The following NLRX1 variants were observed in gnomAD, a reference collection of about 807,000 sequenced individuals.
The protein encoded by NLRX1 is NLR family member X1, also known as NOD-like receptor X1.
Under a neutral mutation model 74.2 loss-of-function variants are expected in NLRX1, and 67 were observed. The observed-to-expected ratio is 0.90, with a 90% CI of 0.74 to 1.11. The LOEUF is 1.11. NLRX1 is among the 50% of genes least tolerant of loss of function. The pLI, the probability that NLRX1 is intolerant of heterozygous loss-of-function variation, is 0.00. For synonymous variants in NLRX1, 506 were observed against 559.1 expected, an observed-to-expected ratio of 0.91 and a Z score of 1.34; for missense variants, 1,191 against 1,305.4, an observed-to-expected ratio of 0.91 and a Z score of 1.35.
rs1948890890 is a variant in NLRX1, at chr11:119,183,237, A to G, written c.2726A>G (p.Tyr909Cys). The G allele has an allele frequency of 6.2e-7, 1 of 1,614,216 alleles. No individual in the cohort carries two copies. Among genetic ancestry groups the G allele is most frequent in the Non-Finnish European group, 8.5e-7 (1 of 1,180,036 alleles). Residue 909 changes from tyrosine to cysteine, a missense_variant, in exon 10 of 10, where the codon TAC becomes TGC. Coordinates refer to ENST00000409109, the MANE Select transcript of NLRX1 (RefSeq NM_001282144.2). This position sits in a 1 kb window ranked among gnomAD's most constrained non-coding sequence, Gnocchi z 5.7. ...SLTEGTAVSE[Y>C]WSVILSEVQR... ...ACAGAGGGGACGGCGGTGTCAGAAT[A>G]CTGGTCAGTGATCCTCAGTGAAGTC...
intron 1 of NLRX1, among the ~76,000 whole-genome samples, chr11:119,169,514 C>G (rs1020062432): frequency 1.3e-5 from 2 of 152,238 alleles, no homozygotes; most frequent in Admixed American, 6.5e-5. Context: ...AGCTCCTCCG[C>G]TGGTTGGCCC....
chr11:119,173,104 C>G lies in NLRX1; in HGVS notation c.229+115C>G, dbSNP rs1338807737. 2.6e-6 allele frequency: 2 copies of G among 766,658 alleles called. No individual in the cohort carries two copies. The highest frequency in any genetic ancestry group is 4.5e-6 in the Non-Finnish European group (2 of 444,000). 47.5% of individuals were successfully genotyped at this position (766,658 alleles called of 1,614,324 possible). A position where few individuals can be genotyped will look rare whatever the true frequency, so the allele number is the denominator to read the frequency against. ...CACTGCCATCTTCCATCGGTGGTCC[C>G]TCCTCCTCTCTCTCTCTCCCTCCCA... is the stretch of plus-strand genomic sequence containing the variant. On this transcript the variant is annotated intron_variant, in intron 4 of 9. Coordinates refer to ENST00000409109, the MANE Select transcript of NLRX1 (RefSeq NM_001282144.2). This position sits in a 1 kb window ranked among gnomAD's most constrained non-coding sequence, Gnocchi z 4.0.
At chr11:119,172,824 A>T in intron 3 of NLRX1, 77 bp from the exon 4 acceptor site, 2 of 1,064,124 alleles carry the variant, frequency 1.9e-6, no homozygotes, top group Non-Finnish European at 2.9e-6. Flanking sequence ...AGCAGTGCAG[A>T]TAGGCTTGGA....
In NLRX1 at chr11:119,173,666, C is replaced by T. The variant is rs766519466; in HGVS notation, c.417C>T (p.Ala139=). 7.4e-6 allele frequency: 12 copies of T among 1,613,982 alleles called. No individual in the cohort carries two copies. Among genetic ancestry groups the T allele is most frequent in the South Asian group, 4.4e-5 (4 of 91,090 alleles). The change falls in exon 5 of 10, where the codon GCC becomes GCT. Residue 139 remains alanine, a synonymous_variant. Coordinates refer to ENST00000409109, the MANE Select transcript of NLRX1 (RefSeq NM_001282144.2). This position sits in a 1 kb window ranked among gnomAD's most constrained non-coding sequence, Gnocchi z 4.0. ...CCCTGGAGCATCAGCCACCCCAGGCCGGGCTCCCCCCACTGGCCTTGTCTC... is the reference window on the plus strand; with the variant it reads ...CCCTGGAGCATCAGCCACCCCAGGCTGGGCTCCCCCCACTGGCCTTGTCTC... ...ELALEHQPPQ[A]GLPPLALSQL... is the part of the protein sequence containing the mutation.
intron 2 of NLRX1, among the ~76,000 whole-genome samples, 186 bp downstream of exon 2, chr11:119,171,659 G>A (rs1318447899): frequency 2.0e-5 from 3 of 152,028 alleles, no homozygotes; most frequent in Non-Finnish European, 4.4e-5. Context: ...CTAAAATAAG[G>A]GAGTTGGACT....
At chr11:119,178,315 C>T (rs1948748044) in intron 6 of NLRX1, among the ~76,000 whole-genome samples, 1 of 152,200 alleles carries the variant, frequency 6.6e-6, no homozygotes, top group South Asian at 2.1e-4. Flanking sequence ...ATATCACAAA[C>T]CCCCAACATT....
At position 119,181,558 on chromosome 11, in the gene NLRX1, C is replaced by T. The variant is rs564183621; in HGVS notation, c.2354+301C>T. On this transcript the variant is annotated intron_variant, in intron 8 of 9. Coordinates refer to ENST00000409109, the MANE Select transcript of NLRX1 (RefSeq NM_001282144.2). ...GCCTGGTAACAGTGCCACTGATCCC[C>T]TCCCAGGATTTTTCTTGCAGCCTCC... Among the ~76,000 whole-genome samples the T allele has an allele frequency of 1.7e-4, 26 of 152,330 alleles. No individual in the cohort carries two copies. The South Asian group carries it at 5.2e-3, about 30-fold the overall frequency.
rs762413604 is a variant in NLRX1 at position 119,180,243 on chromosome 11, G to T, written c.2222G>T (p.Gly741Val). The T allele has an allele frequency of 6.2e-7, 1 of 1,605,750 alleles. No homozygotes were observed. Among genetic ancestry groups the T allele is most frequent in the South Asian group, 1.1e-5 (1 of 90,532 alleles). ...NLASCQLDPA[G>V]LRTLLPVFLR... ...GCCTCCTGCCAGCTAGATCCTGCTGGGCTGCGCACACTCCTGCCTGTCTTC... is the reference window on the plus strand; with the variant it reads ...GCCTCCTGCCAGCTAGATCCTGCTGTGCTGCGCACACTCCTGCCTGTCTTC... The change falls in exon 7 of 10, where the codon GGG becomes GTG. Residue 741 changes from glycine to valine, a missense_variant. Transcript: ENST00000409109.
At position 119,179,816 on chromosome 11, in the gene NLRX1, G is replaced by T. The variant is rs1043304177; in HGVS notation, c.1795G>T (p.Ala599Ser). ...YNDDVLDQMG[A>S]SILGVEGPRR... is the part of the protein sequence containing the mutation. ...CGATGATGTTCTGGACCAGATGGGC[G>T]CCAGTATCCTGGGCGTGGAGGGCCC... The change falls in exon 7 of 10, where the codon GCC becomes TCC. Residue 599 changes from alanine (A) to serine (S), a missense_variant. By Grantham distance (99) the Ala-to-Ser change is moderately conservative. Coordinates refer to ENST00000409109, the MANE Select transcript of NLRX1 (RefSeq NM_001282144.2). The T allele has an allele frequency of 4.3e-6, 7 of 1,614,202 alleles. No individual in the cohort carries two copies. Among genetic ancestry groups the T allele is most frequent in the Middle Eastern group, 1.6e-4 (1 of 6,062 alleles).
intron 6 of NLRX1, among the ~76,000 whole-genome samples, chr11:119,175,710 G>T (rs572140923): frequency 1.3e-5 from 2 of 152,262 alleles, no homozygotes; most frequent in East Asian, 3.9e-4. Context: ...ACCAGAGACG[G>T]GTTTATAAAG....
chr11:119,170,870 G>A (rs182360985), intron 1 of NLRX1, among the ~76,000 whole-genome samples: 8 of 152,348 alleles, frequency 5.3e-5, no homozygotes, highest in Non-Finnish European at 1.2e-4. Context: ...AAGGCCAGGT[G>A]TGATGGCTCA....
chr11:119,171,452 A>T lies in NLRX1; in HGVS notation c.49A>T (p.Arg17Ter). The change falls in exon 2 of 10, where the codon AGA becomes TGA. Residue 17 changes from arginine (R) to a stop codon, truncating the protein, a stop_gained. Coordinates refer to ENST00000409109, the MANE Select transcript of NLRX1 (RefSeq NM_001282144.2). LOFTEE classifies it high-confidence loss of function. ...LPRASWGSGF[R>*]RALQRPDDRI... ...CAGGGCCTCTTGGGGCTCTGGTTTT[A>T]GAAGAGCACTCCAGCGACCAGGTGA... The T allele has an allele frequency of 6.2e-7, 1 of 1,613,852 alleles. No individual in the cohort carries two copies. Among genetic ancestry groups the T allele is most frequent in the South Asian group, 1.1e-5 (1 of 91,076 alleles).
In NLRX1 at chr11:119,183,403, G is replaced by A; in HGVS notation, c.2892G>A (p.Arg964=). ...TGCTGCGAGTGGAGGGCGAGGTCAG[G>A]GCCCTCCTGGAGCAGCTGGGAAGCT... ...AQLLRVEGEV[R]ALLEQLGSSG... Residue 964 remains arginine, a synonymous_variant, in exon 10 of 10, where the codon AGG becomes AGA. Coordinates refer to ENST00000409109, the MANE Select transcript of NLRX1 (RefSeq NM_001282144.2). This position sits in a 1 kb window ranked among gnomAD's most constrained non-coding sequence, Gnocchi z 5.7. 1 of 1,613,654 alleles carries A rather than the reference G, an allele frequency of 6.2e-7. No individual in the cohort carries two copies. Among genetic ancestry groups the A allele is most frequent in the Non-Finnish European group, 8.5e-7 (1 of 1,179,906 alleles).
chr11:119,182,267 C>T lies in NLRX1; in HGVS notation c.2528C>T (p.Ala843Val), dbSNP rs199476052. Residue 843 changes from alanine (A) to valine (V), a missense_variant, in exon 9 of 10, where the codon GCG becomes GTG. Physicochemically the swap from Ala to Val is moderately conservative, Grantham distance 64. Coordinates refer to ENST00000409109, the MANE Select transcript of NLRX1 (RefSeq NM_001282144.2). Reference protein sequence around the residue: ...RNRQLQELNVAYNGAGDTAAL... With the variant: ...RNRQLQELNVVYNGAGDTAAL... ...CGGCAGCTGCAGGAGCTGAACGTGG[C>T]GTACAACGGTGCTGGTGACACAGCG... 112 of 1,613,732 alleles carry T rather than the reference C, an allele frequency of 6.9e-5. No homozygotes were observed. The East Asian group carries it at 1.7e-3, about 25-fold the overall frequency.
At chr11:119,170,737 ACTC>A (rs1483277464) in intron 1 of NLRX1, among the ~76,000 whole-genome samples, 1 of 152,054 alleles carries the variant, frequency 6.6e-6, no homozygotes, top group Non-Finnish European at 1.5e-5. Context: ...TGAACACAGG[ACTC>A]CTATCTGAGC....
intron 9 of NLRX1, among the ~76,000 whole-genome samples, 198 bp downstream of exon 9, chr11:119,182,543 T>C (rs908547606): frequency 2.0e-5 from 3 of 152,122 alleles, no homozygotes; most frequent in African/African-American, 7.2e-5. Context: ...ACTGCACCAA[T>C]TCCCTACCAC....
At chr11:119,171,998 T>C (rs1219818560) in intron 2 of NLRX1, among the ~76,000 whole-genome samples, 1 of 151,694 alleles carries the variant, frequency 6.6e-6, no homozygotes, top group East Asian at 1.9e-4. Flanking sequence ...TTCGAGAGTC[T>C]CTTGTAGCTA....
At chr11:119,171,634 T>A (rs1948551995) in intron 2 of NLRX1, among the ~76,000 whole-genome samples, 161 bp downstream of exon 2, 1 of 152,168 alleles carries the variant, frequency 6.6e-6, no homozygotes, top group South Asian at 2.1e-4. Context: ...CTTCCTCAGC[T>A]GCCTTTTTCC....
intron 6 of NLRX1, among the ~76,000 whole-genome samples, chr11:119,177,378 G>A (rs939529511): frequency 4.6e-5 from 7 of 151,356 alleles, no homozygotes; most frequent in Admixed American, 6.6e-5. Flanking sequence ...CACCACGCCC[G>A]GCCTATGCTG....
Sources: gnomAD v4.1 joint callset for allele counts (sites outside exome capture counted in the v4.1 genomes callset) on GRCh38, gnomAD v4.1.1 for gene constraint, Gnocchi (gnomAD v3.1) non-coding constraint, MANE v1.5 for transcripts, NCBI Gene and HGNC (gene_info 2026-07-23, HGNC 2026-07-21) for gene names.